GRM7: variants seen among roughly 807,000 people sequenced by gnomAD.
GRM7 encodes the protein glutamate metabotropic receptor 7, also known as metabotropic glutamate receptor 7.
GRM7 carries 35 observed loss-of-function variants against 84.5 expected under a neutral mutation model. The observed-to-expected ratio is 0.41, with a 90% confidence interval of 0.32 to 0.55. The LOEUF (loss-of-function observed/expected upper bound fraction) is 0.55. Ranked by LOEUF, GRM7 falls within the 20% of genes least tolerant of loss-of-function variation. The pLI is 0.19. For synonymous variants in GRM7, 487 were observed against 455.1 expected, an observed-to-expected ratio of 1.07 and a Z score of -0.89; for missense variants, 1,003 against 1,194.6, an observed-to-expected ratio of 0.84 and a Z score of 2.36.
intron 1 of GRM7, among the ~76,000 whole-genome samples, chr3:7,036,959 C>T (rs528391003): frequency 3.3e-5 from 5 of 152,290 alleles, no homozygotes; most frequent in Admixed American, 6.5e-5. Flanking sequence ...GAGGGCATGA[C>T]ATAATGAGTG....
At position 7,486,529 on chromosome 3, in the gene GRM7, G is replaced by T. The variant is rs1053306189; in HGVS notation, c.1515+24807G>T. Among the ~76,000 whole-genome samples, 6 of 152,038 alleles carry T rather than the reference G, an allele frequency of 3.9e-5. No individual in the cohort carries two copies. Among genetic ancestry groups the T allele is most frequent in the African/African-American group, 1.4e-4 (6 of 41,384 alleles). On this transcript the variant is annotated intron_variant, in intron 7 of 9. Transcript: ENST00000357716. This position sits in a 1 kb window ranked among gnomAD's most constrained non-coding sequence, Gnocchi z 5.5. ...GAGTGAGTTTTTGCTTTCCTGGACT[G>T]GATTATTTGCCAGAAAAGTGGGGTG...
chr3:7,477,891 C>T (rs1321576286), intron 7 of GRM7, among the ~76,000 whole-genome samples: 1 of 152,022 alleles, frequency 6.6e-6, no homozygotes, highest in East Asian at 1.9e-4. Context: ...TATCAAAGAC[C>T]CTTTGAAATT....
intron 2 of GRM7, among the ~76,000 whole-genome samples, chr3:7,240,520 T>C (rs547922572): frequency 1.4e-4 from 21 of 152,292 alleles, no homozygotes; most frequent in Admixed American, 5.9e-4. Context: ...TACTAAGATA[T>C]GGTTGAATAT....
intron 1 of GRM7, among the ~76,000 whole-genome samples, chr3:6,873,850 T>C (rs1184260807): frequency 6.6e-6 from 1 of 152,176 alleles, no homozygotes; most frequent in Admixed American, 6.5e-5. Flanking sequence ...CAATCCCTGG[T>C]TGAAGAAGGG....
chr3:7,153,234 G>C (rs1252057677), intron 2 of GRM7, among the ~76,000 whole-genome samples: 3 of 141,952 alleles, frequency 2.1e-5, no homozygotes, highest in African/African-American at 7.9e-5. Context: ...GAGGGATTCT[G>C]TTTATTATCC....
intron 7 of GRM7, among the ~76,000 whole-genome samples, chr3:7,471,112 G>A (rs1034099834): frequency 2.0e-5 from 3 of 151,440 alleles, no homozygotes; most frequent in African/African-American, 2.4e-5. Flanking sequence ...CACCTCATAA[G>A]AACACTTTGA....
Position 7,200,133 on chromosome 3 carries a change from T to C in GRM7, c.736+53465T>C, listed in dbSNP as rs116637608. The stretch of plus-strand genomic sequence containing the variant: ...GAAACTGAGGAAGCCACATTCTTTT[T>C]AACGACATGCTCTTGGAAAATCAAG... On this transcript the variant is annotated intron_variant, in intron 2 of 9. Transcript: ENST00000357716. Among the ~76,000 whole-genome samples, 172 of 152,276 alleles carry C rather than the reference T, an allele frequency of 1.1e-3. 1 individual carries two copies. The highest frequency in any genetic ancestry group is 4.0e-3 in the African/African-American group (168 of 41,572).
chr3:7,304,911 C>G (rs1212705029), intron 3 of GRM7, among the ~76,000 whole-genome samples: 1 of 152,076 alleles, frequency 6.6e-6, no homozygotes, highest in East Asian at 1.9e-4. Context: ...TAATGAGTGT[C>G]TTCTGGCAAT....
At chr3:7,308,587 C>T (rs1267316583) in intron 4 of GRM7, among the ~76,000 whole-genome samples, 5 of 152,126 alleles carry the variant, frequency 3.3e-5, no homozygotes, top group Non-Finnish European at 7.4e-5. Context: ...GTCTTGAAAA[C>T]TGTACTAAGG....
intron 9 of GRM7, among the ~76,000 whole-genome samples, chr3:7,708,494 G>C (rs1701471632): frequency 6.6e-6 from 1 of 152,166 alleles, no homozygotes; most frequent in Admixed American, 6.5e-5. Flanking sequence ...TCCATGTCTT[G>C]AAGTGATCGG....
At chr3:6,922,482 T>A (rs575732290) in intron 1 of GRM7, among the ~76,000 whole-genome samples, 41 of 152,326 alleles carry the variant, frequency 2.7e-4, no homozygotes, top group African/African-American at 9.9e-4. Context: ...TTTCTAGAGA[T>A]TAGATGCTGT....
chr3:7,535,813 G>A (rs904742209), intron 7 of GRM7, among the ~76,000 whole-genome samples: 1 of 152,170 alleles, frequency 6.6e-6, no homozygotes, highest in Non-Finnish European at 1.5e-5. Context: ...TTTAAATCCA[G>A]CCCATGTTTT....
intron 1 of GRM7, among the ~76,000 whole-genome samples, chr3:7,140,740 A>C (rs1184669849): frequency 1.3e-5 from 2 of 152,012 alleles, no homozygotes; most frequent in Non-Finnish European, 2.9e-5. Context: ...TCTGTGTCTC[A>C]AGTAAAAATA....
chr3:6,925,277 G>C (rs1697259589), intron 1 of GRM7, among the ~76,000 whole-genome samples: 1 of 152,144 alleles, frequency 6.6e-6, no homozygotes, highest in East Asian at 1.9e-4. Context: ...CTGGATTCCA[G>C]GCACTTAGCA....
At position 7,268,016 on chromosome 3, in the gene GRM7, G is replaced by A. The variant is rs2124972164; in HGVS notation, c.737-30668G>A. ...GCTGCTCTGCACTGGTCACAGTAGA[G>A]AGAACCTATCAGGCCTCCGCATCTC... On this transcript the variant is annotated intron_variant, in intron 2 of 9. Coordinates refer to ENST00000357716, the MANE Select transcript of GRM7 (RefSeq NM_000844.4). Among the ~76,000 whole-genome samples the A allele has an allele frequency of 2.0e-5, 3 of 152,224 alleles. No individual in the cohort carries two copies. The South Asian group carries it at 6.2e-4, about 32-fold the overall frequency.
intron 2 of GRM7, among the ~76,000 whole-genome samples, chr3:7,244,042 G>T (rs1445543021): frequency 1.3e-5 from 2 of 152,116 alleles, no homozygotes; most frequent in Non-Finnish European, 2.9e-5. Context: ...TGAGTGAGTG[G>T]TGAGTGAATG....
Position 6,861,471 on chromosome 3 carries a change from T to TGGC in GRM7, c.94_96dup (p.Ala32dup), listed in dbSNP as rs752881858. The TGGC allele has an allele frequency of 3.1e-6, 4 of 1,284,814 alleles. No homozygotes were observed. Among genetic ancestry groups the TGGC allele is most frequent in the Non-Finnish European group, 3.1e-6 (3 of 958,264 alleles). The allele number at this position is 1,284,814 out of a possible 1,614,324, so 79.6% of individuals were successfully genotyped here. On this transcript the variant is annotated inframe_insertion, in exon 1 of 10. Coordinates refer to ENST00000357716, the MANE Select transcript of GRM7 (RefSeq NM_000844.4). The surrounding 1 kb of genome is among the most constrained non-coding windows in gnomAD (Gnocchi z 6.4). ...GTGCTGGAGGTGCTCCTGTGCGCGC[T>TGGC]GGCGGCGGCGGCGCGCGGCCAGGAG... is the stretch of plus-strand genomic sequence containing the variant.
At chr3:7,231,334 T>C (rs1253814562) in intron 2 of GRM7, among the ~76,000 whole-genome samples, 1 of 152,214 alleles carries the variant, frequency 6.6e-6, no homozygotes, top group Non-Finnish European at 1.5e-5. Flanking sequence ...TAGTGAGGTG[T>C]TGGCATTTAA....
chr3:7,446,316 C>T (rs529543314), intron 5 of GRM7, among the ~76,000 whole-genome samples: 8 of 152,316 alleles, frequency 5.3e-5, no homozygotes, highest in African/African-American at 1.9e-4. Context: ...TTGTTCAGAT[C>T]TGCTGAATCT....
Sources: gnomAD v4.1 joint callset for allele counts (sites outside exome capture counted in the v4.1 genomes callset) on GRCh38, gnomAD v4.1.1 for gene constraint, Gnocchi (gnomAD v3.1) non-coding constraint, MANE v1.5 for transcripts, NCBI Gene and HGNC (gene_info 2026-07-23, HGNC 2026-07-21) for gene names.